The following KIRREL3 variants were observed in gnomAD, a reference collection of about 807,000 sequenced individuals.
KIRREL3 encodes the protein kirre like nephrin family adhesion molecule 3.
KIRREL3 carries 36 observed loss-of-function variants against 89.7 expected under a neutral mutation model. That is an observed-to-expected ratio of 0.40 (90% confidence interval 0.31 to 0.53). The LOEUF is 0.53. Ranked by LOEUF, KIRREL3 falls within the 20% of genes least tolerant of loss-of-function variation. The pLI is 0.49. For synonymous variants in KIRREL3, 445 were observed against 441.4 expected (o/e 1.01, Z -0.10); for missense variants, 864 against 1,056.6 (o/e 0.82, Z 2.53).
In KIRREL3 at chr11:126,812,585, A is replaced by G. The variant is rs1444878500; in HGVS notation, c.55+187870T>C. ...CTTCACAAATGCTAACAACAATTTG[A>G]CAACTAGATTGCAAGCTGTAGATTT... On this transcript the variant is annotated intron_variant, in intron 1 of 16. Transcript: ENST00000525144. This position sits in a 1 kb window ranked among gnomAD's most constrained non-coding sequence, Gnocchi z 5.2. Among the ~76,000 whole-genome samples the G allele has an allele frequency of 6.6e-6, 1 of 152,164 alleles. No homozygotes were observed. Among genetic ancestry groups the G allele is most frequent in the Non-Finnish European group, 1.5e-5 (1 of 68,032 alleles).
chr11:126,921,610 CTAT>C (rs57799603), intron 1 of KIRREL3, among the ~76,000 whole-genome samples: 35,107 of 90,932 alleles, frequency 0.39, 8,568 homozygotes, highest in Middle Eastern at 0.58. Flanking sequence ...ATCTATCTAT[CTAT>C]CTATCTATCT....
rs80184542 is a variant in KIRREL3 at position 126,513,244 on chromosome 11, A to G, written c.433+8071T>C. 0.035 allele frequency among the ~76,000 whole-genome samples: 5,352 copies of G among 152,152 alleles called. 260 individuals carry two copies. The highest frequency in any genetic ancestry group is 0.11 in the African/African-American group (4,647 of 41,470). ...CTTCCCTTGTCCTGGTGTTGGGAGC[A>G]AAAGATGCTGGGGGGTATGGGGGCT... On this transcript the variant is annotated intron_variant, in intron 4 of 16. Transcript: ENST00000525144. The surrounding 1 kb of genome is among the most constrained non-coding windows in gnomAD (Gnocchi z 5.9).
rs1462097790 is a variant in KIRREL3, at chr11:126,624,310, G to T, written c.56-61398C>A. On this transcript the variant is annotated intron_variant, in intron 1 of 16. Transcript: ENST00000525144. This position sits in a 1 kb window ranked among gnomAD's most constrained non-coding sequence, Gnocchi z 6.0. ...TATTCTCCCCAAACAGATCATTCTT[G>T]TCTTCTCCTCTGATTTCCACTAGGA... 6.6e-6 allele frequency among the ~76,000 whole-genome samples: 1 copy of T among 152,134 alleles called. No individual in the cohort carries two copies. The highest frequency in any genetic ancestry group is 6.5e-5 in the Admixed American group (1 of 15,270).
chr11:126,972,712 T>C (rs1408833804), intron 1 of KIRREL3, among the ~76,000 whole-genome samples: 1 of 152,198 alleles, frequency 6.6e-6, no homozygotes, highest in Non-Finnish European at 1.5e-5. Context: ...TTAAAGACCC[T>C]GCCTGACACC....
At position 126,431,380 on chromosome 11, in the gene KIRREL3, C is replaced by T; in HGVS notation, c.1696+39G>A. The stretch of plus-strand genomic sequence containing the variant: ...GGCAGCCTAAGCCTGGCCTTTTTCT[C>T]TGTCCCCCTCCCTGAGATCCCGGAT... On this transcript the variant is annotated intron_variant, in intron 14 of 16. Coordinates refer to ENST00000525144, the MANE Select transcript of KIRREL3 (RefSeq NM_032531.4). The surrounding 1 kb of genome is among the most constrained non-coding windows in gnomAD (Gnocchi z 7.1). 3 of 1,611,048 alleles carry T rather than the reference C, an allele frequency of 1.9e-6. No homozygotes were observed. The highest frequency in any genetic ancestry group is 2.5e-6 in the Non-Finnish European group (3 of 1,178,616).
At chr11:126,878,412 A>G (rs1308467908) in intron 1 of KIRREL3, among the ~76,000 whole-genome samples, 1 of 152,162 alleles carries the variant, frequency 6.6e-6, no homozygotes, top group East Asian at 1.9e-4. Flanking sequence ...GGGAGGGAGC[A>G]ATTGCTGACT....
In KIRREL3 at chr11:126,570,283, TAA is replaced by T. The variant is rs60433834; in HGVS notation, c.56-7373_56-7372del. ...TCATATGAGTTAATTATACTAGAAC[TAA>T]GTTTTTCCCCATTCATATTATCAAT... On this transcript the variant is annotated intron_variant, in intron 1 of 16. Transcript: ENST00000525144. This position sits in a 1 kb window ranked among gnomAD's most constrained non-coding sequence, Gnocchi z 6.1. Among the ~76,000 whole-genome samples, 3,173 of 152,336 alleles carry T rather than the reference TAA, an allele frequency of 0.021. 106 individuals are homozygous for T. Among genetic ancestry groups the T allele is most frequent in the African/African-American group, 0.072 (2,976 of 41,578 alleles).
chr11:126,817,793 A>G lies in KIRREL3; in HGVS notation c.55+182662T>C, dbSNP rs1169865922. 6.6e-6 allele frequency among the ~76,000 whole-genome samples: 1 copy of G among 152,164 alleles called. No homozygotes were observed. The highest frequency in any genetic ancestry group is 2.4e-5 in the African/African-American group (1 of 41,454). ...AAACATGTGATGGACCCATATCTAG[A>G]GGTGACTCTGGCACTCTGGCTGTCC... On this transcript the variant is annotated intron_variant, in intron 1 of 16. Transcript: ENST00000525144. This position sits in a 1 kb window ranked among gnomAD's most constrained non-coding sequence, Gnocchi z 5.7.
intron 1 of KIRREL3, among the ~76,000 whole-genome samples, chr11:126,662,906 CTTTTT>C (rs756193928): frequency 1.1e-5 from 1 of 91,898 alleles, no homozygotes; most frequent in Non-Finnish European, 2.1e-5. Flanking sequence ...AAAGTCCTTT[CTTTTT>C]TTTTTTTTTT....
chr11:126,473,728 CCTCAGCCTGCA>C (rs1198113161), intron 4 of KIRREL3, among the ~76,000 whole-genome samples: 48 of 152,336 alleles, frequency 3.2e-4, no homozygotes, highest in African/African-American at 1.2e-3. Context: ...GGGCCAGCAG[CCTCAGCCTGCA>C]CTCCCAGACC....
chr11:126,969,228 A>G lies in KIRREL3; in HGVS notation c.55+31227T>C, dbSNP rs539950103. On this transcript the variant is annotated intron_variant, in intron 1 of 16. Coordinates refer to ENST00000525144, the MANE Select transcript of KIRREL3 (RefSeq NM_032531.4). The surrounding 1 kb of genome is among the most constrained non-coding windows in gnomAD (Gnocchi z 4.9). ...CCGCAGTCAAGGGGCGATTCACTCCATTTACTGACACAATAGACATGGAGT... is the reference window on the plus strand; with the variant it reads ...CCGCAGTCAAGGGGCGATTCACTCCGTTTACTGACACAATAGACATGGAGT... Among the ~76,000 whole-genome samples the G allele has an allele frequency of 4.8e-4, 73 of 152,230 alleles. No individual in the cohort carries two copies. Among genetic ancestry groups the G allele is most frequent in the Non-Finnish European group, 7.4e-5 (5 of 68,000 alleles).
intron 11 of KIRREL3, among the ~76,000 whole-genome samples, chr11:126,437,729 T>C (rs1955411346): frequency 6.6e-6 from 1 of 152,050 alleles, no homozygotes; most frequent in Non-Finnish European, 1.5e-5. Context: ...CATGTACACA[T>C]GCACACACAC....
chr11:126,712,192 AT>A (rs1229269034), intron 1 of KIRREL3, among the ~76,000 whole-genome samples: 22 of 151,806 alleles, frequency 1.4e-4, no homozygotes, highest in Non-Finnish European at 2.5e-4. Flanking sequence ...AATGTGAATT[AT>A]CTGCAATCAC....
At position 126,771,284 on chromosome 11, in the gene KIRREL3, G is replaced by A. The variant is rs766070457; in HGVS notation, c.56-208372C>T. 3.3e-5 allele frequency among the ~76,000 whole-genome samples: 5 copies of A among 151,458 alleles called. No homozygotes were observed. The highest frequency in any genetic ancestry group is 7.4e-5 in the Non-Finnish European group (5 of 67,916). Reference sequence around the variant, plus strand: ...TTTTTTTTAAACAGATGAGGAAACCGAGGCTTAGAGTGGTTAAATGACCTG... The same window carrying A: ...TTTTTTTTAAACAGATGAGGAAACCAAGGCTTAGAGTGGTTAAATGACCTG... On this transcript the variant is annotated intron_variant, in intron 1 of 16. Coordinates refer to ENST00000525144, the MANE Select transcript of KIRREL3 (RefSeq NM_032531.4). The surrounding 1 kb of genome is among the most constrained non-coding windows in gnomAD (Gnocchi z 4.4).
rs1288309299 is a variant in KIRREL3 at position 126,989,671 on chromosome 11, C to A, written c.55+10784G>T. On this transcript the variant is annotated intron_variant, in intron 1 of 16. Transcript: ENST00000525144. This position sits in a 1 kb window ranked among gnomAD's most constrained non-coding sequence, Gnocchi z 6.2. Reference sequence around the variant, plus strand: ...ATCAAGTGGCAAAAAAGGTGAGCCGCCATCCCCTTGGAGGTAAAGAAAGGC... The same window carrying A: ...ATCAAGTGGCAAAAAAGGTGAGCCGACATCCCCTTGGAGGTAAAGAAAGGC... 6.6e-6 allele frequency among the ~76,000 whole-genome samples: 1 copy of A among 152,168 alleles called. No homozygotes were observed. The highest frequency in any genetic ancestry group is 1.5e-5 in the Non-Finnish European group (1 of 68,030).
In KIRREL3 at chr11:126,526,509, C is replaced by T. The variant is rs1195861523; in HGVS notation, c.283+29G>A. ...TGAGTAAGGAAGTGATGGCCCCAGG[C>T]CCACCCCAGGAGGTCTGGAGGTACT... On this transcript the variant is annotated intron_variant, in intron 3 of 16. Coordinates refer to ENST00000525144, the MANE Select transcript of KIRREL3 (RefSeq NM_032531.4). The surrounding 1 kb of genome is among the most constrained non-coding windows in gnomAD (Gnocchi z 5.7). The T allele has an allele frequency of 2.5e-6, 4 of 1,595,940 alleles. No individual in the cohort carries two copies. The highest frequency in any genetic ancestry group is 3.4e-6 in the Non-Finnish European group (4 of 1,166,990).
rs1482578728 is a variant in KIRREL3 at position 126,485,146 on chromosome 11, A to G, written c.434-11680T>C. Among the ~76,000 whole-genome samples the G allele has an allele frequency of 6.6e-6, 1 of 152,098 alleles. No individual in the cohort carries two copies. The highest frequency in any genetic ancestry group is 1.5e-5 in the Non-Finnish European group (1 of 67,984). ...AAGTGGGATTGTTAAAGGATGTGGC[A>G]TCCGATATATTTGGCAGCACAATCG... On this transcript the variant is annotated intron_variant, in intron 4 of 16. Coordinates refer to ENST00000525144, the MANE Select transcript of KIRREL3 (RefSeq NM_032531.4). The surrounding 1 kb of genome is among the most constrained non-coding windows in gnomAD (Gnocchi z 5.8).
intron 1 of KIRREL3, among the ~76,000 whole-genome samples, chr11:126,895,233 T>A (rs149598455): frequency 0.065 from 9,866 of 151,434 alleles, 388 homozygotes; most frequent in Non-Finnish European, 0.09. Flanking sequence ...GAGGCTGAGA[T>A]GGGAGGATCA....
At chr11:126,794,302 G>T (rs778624238) in intron 1 of KIRREL3, among the ~76,000 whole-genome samples, 24 of 152,296 alleles carry the variant, frequency 1.6e-4, no homozygotes, top group African/African-American at 3.1e-4. Context: ...CTGGGCCATG[G>T]TTCCCTGCAC....
Sources: gnomAD v4.1 joint callset for allele counts (sites outside exome capture counted in the v4.1 genomes callset) on GRCh38, gnomAD v4.1.1 for gene constraint, Gnocchi (gnomAD v3.1) non-coding constraint, MANE v1.5 for transcripts, NCBI Gene and HGNC (gene_info 2026-07-23, HGNC 2026-07-21) for gene names.